CD226: variants seen among roughly 807,000 people sequenced by gnomAD.
CD226 encodes the protein CD226 antigen.
CD226 carries 24 observed loss-of-function variants against 34.9 expected under a neutral mutation model. The ratio of observed to expected loss-of-function variants is 0.69; its 90% CI spans 0.50 to 0.97. The LOEUF is 0.97. CD226 is among the 50% of genes least tolerant of loss of function. The probability of loss-of-function intolerance (pLI) is 0.00; values close to 1 mark genes in which losing one functional copy is unlikely to be tolerated. For missense variants in CD226, 397 were observed against 412.7 expected, an observed-to-expected ratio of 0.96 and a Z score of 0.33; for synonymous variants, 148 against 147.4, an observed-to-expected ratio of 1.00 and a Z score of -0.03.
intron 2 of CD226, among the ~76,000 whole-genome samples, chr18:69,916,276 C>A (rs1361434358): frequency 1.3e-5 from 2 of 152,106 alleles, no homozygotes; most frequent in Admixed American, 6.6e-5. Flanking sequence ...CTTATAAAAT[C>A]ATGTAAGAGT....
intron 2 of CD226, among the ~76,000 whole-genome samples, chr18:69,943,783 A>G (rs1399496689): frequency 5.3e-5 from 8 of 152,164 alleles, no homozygotes; most frequent in Non-Finnish European, 1.2e-4. Context: ...GGCAATACAA[A>G]CGTTCAAGTG....
At chr18:69,930,305 A>C (rs1376776933) in intron 2 of CD226, among the ~76,000 whole-genome samples, 1 of 152,256 alleles carries the variant, frequency 6.6e-6, no homozygotes, top group Non-Finnish European at 1.5e-5. Flanking sequence ...ACAAAGCATA[A>C]AAGATGACTT....
intron 3 of CD226, among the ~76,000 whole-genome samples, chr18:69,893,133 C>T (rs1454868137): frequency 6.6e-6 from 1 of 152,192 alleles, no homozygotes; most frequent in Non-Finnish European, 1.5e-5. Context: ...AACATACAGT[C>T]AATGGCTGTC....
chr18:69,884,444 C>G (rs558048490), intron 3 of CD226, among the ~76,000 whole-genome samples: 51 of 152,324 alleles, frequency 3.3e-4, no homozygotes, highest in African/African-American at 1.2e-3. Flanking sequence ...AGGGTATTGA[C>G]TTTAGAAAAC....
chr18:69,905,450 T>C (rs2145271997), intron 2 of CD226, among the ~76,000 whole-genome samples: 1 of 152,250 alleles, frequency 6.6e-6, no homozygotes, highest in East Asian at 1.9e-4. Context: ...AGCAATAGAC[T>C]TGCTGTGGCA....
At chr18:69,875,025 A>G (rs1199385520) in intron 3 of CD226, among the ~76,000 whole-genome samples, 1 of 152,238 alleles carries the variant, frequency 6.6e-6, no homozygotes, top group African/African-American at 2.4e-5. Flanking sequence ...ACTGTAGACA[A>G]TGATGCAATA....
upstream of CD226, among the ~76,000 whole-genome samples, chr18:69,950,191 C>T (rs527687892): frequency 4.7e-4 from 72 of 152,190 alleles, no homozygotes; most frequent in African/African-American, 1.7e-3. Context: ...TGCATACACT[C>T]ACATGCACGC....
At position 69,927,526 on chromosome 18, in the gene CD226, C is replaced by T. The variant is rs150737976; in HGVS notation, c.382+19208G>A. Among the ~76,000 whole-genome samples, 5 of 152,204 alleles carry T rather than the reference C, an allele frequency of 3.3e-5. No individual in the cohort carries two copies. The East Asian group carries it at 5.8e-4, about 18-fold the overall frequency. On this transcript the variant is annotated intron_variant, in intron 2 of 5. Coordinates refer to ENST00000582621, the MANE Select transcript of CD226 (RefSeq NM_001303618.2). ...CAGAATCGAAATCCTACCCATTAAA[C>T]AACTCCCTGTTCTCCCATCCCCCAC...
At chr18:69,952,832 T>C (rs1271782522), upstream of CD226, among the ~76,000 whole-genome samples, 8 of 152,160 alleles carry the variant, frequency 5.3e-5, no homozygotes, top group Non-Finnish European at 1.2e-4. Context: ...AAGCAAATAT[T>C]TGCAAATAAT....
At chr18:69,874,843 G>A (rs947038962) in intron 3 of CD226, among the ~76,000 whole-genome samples, 1 of 152,034 alleles carries the variant, frequency 6.6e-6, no homozygotes. Context: ...TTCTTTTTGT[G>A]TCTGGCTTAT....
intron 2 of CD226, among the ~76,000 whole-genome samples, chr18:69,923,815 G>A (rs1009308741): frequency 1.3e-5 from 2 of 151,548 alleles, no homozygotes; most frequent in East Asian, 3.9e-4. Flanking sequence ...TTAGCCGGGC[G>A]TAGTGGCGGG....
At chr18:69,909,379 T>C (rs911815278) in intron 2 of CD226, among the ~76,000 whole-genome samples, 1 of 152,212 alleles carries the variant, frequency 6.6e-6, no homozygotes, top group Admixed American at 6.5e-5. Flanking sequence ...CTTTCCCTCC[T>C]GGCACCACTC....
chr18:69,864,946 T>G (rs892714698), intron 5 of CD226, among the ~76,000 whole-genome samples: 2 of 152,118 alleles, frequency 1.3e-5, no homozygotes, highest in African/African-American at 4.8e-5. Flanking sequence ...CAAAAGAAAC[T>G]AGAGAAAGGT....
chr18:69,876,561 A>AG (rs1288299967), intron 3 of CD226, among the ~76,000 whole-genome samples: 1 of 152,226 alleles, frequency 6.6e-6, no homozygotes, highest in East Asian at 1.9e-4. Flanking sequence ...ACAAAGTGGT[A>AG]GGTAAAAACA....
chr18:69,945,125 A>C (rs1270856741), intron 2 of CD226, among the ~76,000 whole-genome samples: 2 of 152,240 alleles, frequency 1.3e-5, no homozygotes, highest in African/African-American at 2.4e-5. Flanking sequence ...CAAGAAACAC[A>C]CAGTTCCAAA....
intron 4 of CD226, among the ~76,000 whole-genome samples, 158 bp from the exon 5 acceptor site, chr18:69,867,569 G>GT (rs1251587168): frequency 6.6e-6 from 1 of 152,130 alleles, no homozygotes; most frequent in Non-Finnish European, 1.5e-5. Flanking sequence ...TTACCCTACA[G>GT]TTTTTTTCAT....
chr18:69,940,710 G>A (rs2145354995), intron 2 of CD226, among the ~76,000 whole-genome samples: 1 of 152,250 alleles, frequency 6.6e-6, no homozygotes, highest in Non-Finnish European at 1.5e-5. Context: ...AGGAAGCAGA[G>A]CATAAAAAAT....
chr18:69,951,353 A>G (rs1051552544), upstream of CD226, among the ~76,000 whole-genome samples: 2 of 152,138 alleles, frequency 1.3e-5, no homozygotes, highest in Non-Finnish European at 1.5e-5. Context: ...GAAGGAAGTT[A>G]TTCACATTCC....
intron 4 of CD226, among the ~76,000 whole-genome samples, chr18:69,868,061 T>C (rs566961112): frequency 6.6e-6 from 1 of 152,198 alleles, no homozygotes; most frequent in East Asian, 1.9e-4. Flanking sequence ...GAAAGGACCA[T>C]CTGCAACCAC....
Sources: allele counts gnomAD v4.1 joint callset (sites outside exome capture counted in the v4.1 genomes callset), GRCh38; gene constraint gnomAD v4.1.1; transcripts MANE v1.5; gene names NCBI Gene and HGNC (gene_info 2026-07-23, HGNC 2026-07-21).